SNTG1: variants seen among roughly 807,000 people sequenced by gnomAD.
SNTG1 encodes the protein syntrophin gamma 1.
SNTG1 carries 39 observed loss-of-function variants against 74.7 expected under a neutral mutation model. That is an observed-to-expected ratio of 0.52 (90% confidence interval 0.40 to 0.68). The LOEUF (loss-of-function observed/expected upper bound fraction) is 0.68. SNTG1 is among the 30% of genes least tolerant of loss of function. The probability of loss-of-function intolerance (pLI) is 0.00; values close to 1 mark genes in which losing one functional copy is unlikely to be tolerated. For synonymous variants in SNTG1, 254 were observed against 217.1 expected (o/e 1.17, Z -1.49); for missense variants, 685 against 609.5 (o/e 1.12, Z -1.30).
intron 1 of SNTG1, among the ~76,000 whole-genome samples, chr8:50,029,190 T>A (rs991390412): frequency 1.3e-5 from 2 of 152,198 alleles, no homozygotes; most frequent in African/African-American, 2.4e-5. Flanking sequence ...ATTTGTTTTA[T>A]ATTTTTAATT....
At chr8:50,342,838 A>T (rs1247171569) in intron 2 of SNTG1, among the ~76,000 whole-genome samples, 1 of 152,188 alleles carries the variant, frequency 6.6e-6, no homozygotes, top group Non-Finnish European at 1.5e-5. Context: ...CTAACATGTT[A>T]AAGTGGAAAG....
chr8:50,498,092 G>A (rs915474546), intron 8 of SNTG1, among the ~76,000 whole-genome samples: 1 of 151,700 alleles, frequency 6.6e-6, no homozygotes, highest in African/African-American at 2.4e-5. Flanking sequence ...GTATTTGTAA[G>A]TACATTTACT....
intron 1 of SNTG1, among the ~76,000 whole-genome samples, chr8:50,028,583 T>G (rs1411190406): frequency 6.8e-6 from 1 of 147,416 alleles, no homozygotes; most frequent in Admixed American, 6.9e-5. Context: ...CAACAACGTT[T>G]AAGAGATACA....
intron 2 of SNTG1, among the ~76,000 whole-genome samples, chr8:50,353,526 C>T (rs1304932437): frequency 6.6e-6 from 1 of 152,036 alleles, no homozygotes; most frequent in Non-Finnish European, 1.5e-5. Flanking sequence ...GAAAAATAAG[C>T]ATGCCACCTT....
chr8:50,539,999 A>G (rs2094335021), intron 11 of SNTG1, among the ~76,000 whole-genome samples: 1 of 152,138 alleles, frequency 6.6e-6, no homozygotes, highest in Admixed American at 6.5e-5. Flanking sequence ...TGTCTAGGAC[A>G]TGCAGGAGGA....
chr8:50,111,478 G>A (rs906512800), intron 1 of SNTG1, among the ~76,000 whole-genome samples: 3 of 151,984 alleles, frequency 2.0e-5, no homozygotes, highest in Admixed American at 6.6e-5. Context: ...AACCATGTGA[G>A]GTCACAGTGA....
At chr8:50,366,180 A>G (rs1293820283) in intron 2 of SNTG1, among the ~76,000 whole-genome samples, 2 of 152,164 alleles carry the variant, frequency 1.3e-5, no homozygotes, top group Admixed American at 6.5e-5. Context: ...ACGCACAACT[A>G]TAACATTGCC....
chr8:49,938,685 T>C (rs558055721), intron 1 of SNTG1, among the ~76,000 whole-genome samples: 2 of 148,738 alleles, frequency 1.3e-5, no homozygotes, highest in Non-Finnish European at 3.0e-5. Context: ...CCTTCCCTCC[T>C]TCTTTCTTTT....
chr8:50,256,924 C>A (rs2086910284), intron 2 of SNTG1, among the ~76,000 whole-genome samples: 1 of 152,130 alleles, frequency 6.6e-6, no homozygotes, highest in Non-Finnish European at 1.5e-5. Flanking sequence ...TTTGAGCCAG[C>A]TGCCTGCTAC....
At chr8:50,444,324 A>G (rs982608808) in intron 5 of SNTG1, among the ~76,000 whole-genome samples, 2 of 152,198 alleles carry the variant, frequency 1.3e-5, no homozygotes, top group Non-Finnish European at 2.9e-5. Context: ...ATATTTAAAT[A>G]ACAACCATTG....
At chr8:50,205,820 A>T (rs534722493) in intron 2 of SNTG1, among the ~76,000 whole-genome samples, 2 of 152,220 alleles carry the variant, frequency 1.3e-5, no homozygotes, top group Non-Finnish European at 2.9e-5. Context: ...TTTGTTAAGT[A>T]GGGAATCCTT....
At chr8:50,042,128 G>T (rs918780615) in intron 1 of SNTG1, among the ~76,000 whole-genome samples, 8 of 151,908 alleles carry the variant, frequency 5.3e-5, no homozygotes, top group Non-Finnish European at 2.9e-5. Context: ...TCATTTTTTT[G>T]GTCATCAGCC....
intron 1 of SNTG1, among the ~76,000 whole-genome samples, chr8:49,973,021 C>A (rs1194834476): frequency 1.3e-5 from 2 of 152,078 alleles, no homozygotes; most frequent in Non-Finnish European, 2.9e-5. Context: ...TGGGTATATA[C>A]CCAAAGGATT....
At chr8:49,955,310 G>A (rs556060306) in intron 1 of SNTG1, among the ~76,000 whole-genome samples, 10 of 152,160 alleles carry the variant, frequency 6.6e-5, no homozygotes, top group East Asian at 1.9e-4. Flanking sequence ...GCATTCATGC[G>A]GTAAAGTGAT....
At chr8:50,552,617 G>A (rs561562201) in intron 11 of SNTG1, among the ~76,000 whole-genome samples, 17 of 152,108 alleles carry the variant, frequency 1.1e-4, no homozygotes, top group Admixed American at 5.2e-4. Flanking sequence ...TTAATATCAC[G>A]CTTAATATTT....
chr8:49,923,742 A>G (rs183838482), intron 1 of SNTG1, among the ~76,000 whole-genome samples: 6 of 152,292 alleles, frequency 3.9e-5, no homozygotes, highest in African/African-American at 9.6e-5. Flanking sequence ...GTTACTTAGC[A>G]TATCTTTTTG....
chr8:50,163,471 CTTCTT>C (rs1277732944), intron 1 of SNTG1: 2 of 135,930 alleles, frequency 1.5e-5, no homozygotes, highest in African/African-American at 5.9e-5. Context: ...CAGGAATTTT[CTTCTT>C]TTTTCTTTTT....
chr8:50,603,578 T>G (rs1310287881), intron 13 of SNTG1, among the ~76,000 whole-genome samples: 1 of 152,150 alleles, frequency 6.6e-6, no homozygotes, highest in African/African-American at 2.4e-5. Context: ...TATGGAGGTT[T>G]GTCAGCATCT....
At chr8:50,168,324 T>A (rs1377066238) in intron 1 of SNTG1, among the ~76,000 whole-genome samples, 1 of 152,148 alleles carries the variant, frequency 6.6e-6, no homozygotes, top group Non-Finnish European at 1.5e-5. Flanking sequence ...CCACAAATTG[T>A]AGATTTACTA....
Sources: gnomAD v4.1 joint callset for allele counts (sites outside exome capture counted in the v4.1 genomes callset) on GRCh38, gnomAD v4.1.1 for gene constraint, MANE v1.5 for transcripts, NCBI Gene and HGNC (gene_info 2026-07-23, HGNC 2026-07-21) for gene names.